Variants in GRIP1 observed in about 807,000 individuals in gnomAD.
GRIP1 encodes glutamate receptor-interacting protein 1.
Under a neutral mutation model 129.9 loss-of-function variants are expected in GRIP1, and 45 were observed. The observed-to-expected ratio is 0.35, with a 90% CI of 0.27 to 0.44. The LOEUF is 0.44. Ranked by LOEUF, GRIP1 falls within the 20% of genes least tolerant of loss-of-function variation. The probability of loss-of-function intolerance (pLI) is 1.00; values close to 1 mark genes in which losing one functional copy is unlikely to be tolerated. For synonymous variants in GRIP1, 530 were observed against 520.8 expected (o/e 1.02, Z -0.24); for missense variants, 1,196 against 1,396.8 (o/e 0.86, Z 2.29).
intron 7 of GRIP1, among the ~76,000 whole-genome samples, chr12:66,488,924 G>A (rs2060030446): frequency 6.6e-6 from 1 of 152,100 alleles, no homozygotes; most frequent in Non-Finnish European, 1.5e-5. Flanking sequence ...GAACCAGGAA[G>A]AAATTAATTC....
At chr12:66,773,829 G>A (rs2037895325) in intron 1 of GRIP1, among the ~76,000 whole-genome samples, 1 of 152,132 alleles carries the variant, frequency 6.6e-6, no homozygotes, top group African/African-American at 2.4e-5. Context: ...TTTTTGGCAT[G>A]TCTTTTCTTT....
intron 4 of GRIP1, among the ~76,000 whole-genome samples, chr12:66,533,871 A>T (rs1381949401): frequency 1.4e-5 from 2 of 137,942 alleles, no homozygotes; most frequent in East Asian, 2.0e-4. Flanking sequence ...ACTCACACAC[A>T]CACACACATA....
intron 1 of GRIP1, among the ~76,000 whole-genome samples, chr12:66,684,963 G>A: frequency 6.6e-6 from 1 of 152,160 alleles, no homozygotes; most frequent in East Asian, 1.9e-4. Context: ...GATTTGAACT[G>A]TATCAAGCTC....
At chr12:66,811,475 G>A (rs1566034908) in intron 1 of GRIP1, among the ~76,000 whole-genome samples, 1 of 150,932 alleles carries the variant, frequency 6.6e-6, no homozygotes, top group Non-Finnish European at 1.5e-5. Flanking sequence ...GCTAATTATA[G>A]TGTCTTTTAA....
chr12:66,409,595 G>A (rs1357067963), intron 15 of GRIP1, among the ~76,000 whole-genome samples: 2 of 152,162 alleles, frequency 1.3e-5, no homozygotes, highest in African/African-American at 4.8e-5. Flanking sequence ...AGACTGCAAA[G>A]ACTATAATAA....
chr12:67,057,651 A>G (rs534199538), intron 1 of GRIP1, among the ~76,000 whole-genome samples: 2 of 152,292 alleles, frequency 1.3e-5, no homozygotes, highest in South Asian at 4.1e-4. Flanking sequence ...CAACAACAAC[A>G]AAACAGGGCT....
At chr12:66,968,818 C>T (rs2042033579) in intron 1 of GRIP1, among the ~76,000 whole-genome samples, 1 of 152,050 alleles carries the variant, frequency 6.6e-6, no homozygotes, top group Admixed American at 6.6e-5. Context: ...CTCTGATGTT[C>T]TTTCCTTAAT....
At chr12:66,542,815 A>G (rs2061827865) in intron 2 of GRIP1, among the ~76,000 whole-genome samples, 1 of 152,140 alleles carries the variant, frequency 6.6e-6, no homozygotes, top group South Asian at 2.1e-4. Flanking sequence ...CTGCAAATAT[A>G]TTTTCTTGGT....
At chr12:66,478,615 C>G (rs908057254) in intron 7 of GRIP1, among the ~76,000 whole-genome samples, 2 of 152,188 alleles carry the variant, frequency 1.3e-5, no homozygotes, top group Non-Finnish European at 2.9e-5. Context: ...ATAGCAAAGA[C>G]TTGGAACCAA....
At chr12:66,526,504 C>T (rs1452847613) in intron 5 of GRIP1, among the ~76,000 whole-genome samples, 10 of 152,148 alleles carry the variant, frequency 6.6e-5, no homozygotes, top group African/African-American at 2.4e-4. Flanking sequence ...GGATCCCTTC[C>T]TTACACCTTA....
chr12:66,752,348 G>A lies in GRIP1; in HGVS notation c.-420+51705C>T, dbSNP rs115065892. ...GTTTTCAAAGATACTAAATTCACAT[G>A]TATATTTAAAGTGTTTTCTAGTTTG... On this transcript the variant is annotated intron_variant, in intron 1 of 4. Coordinates refer to the GRIP1 transcript ENST00000538373. Among the ~76,000 whole-genome samples, 1,272 of 152,168 alleles carry A rather than the reference G, an allele frequency of 8.4e-3. 18 individuals are homozygous for A. The highest frequency in any genetic ancestry group is 0.029 in the African/African-American group (1,216 of 41,516).
chr12:66,700,066 A>G (rs1269443784), intron 1 of GRIP1, among the ~76,000 whole-genome samples: 1 of 152,212 alleles, frequency 6.6e-6, no homozygotes, highest in East Asian at 1.9e-4. Flanking sequence ...AGAGTATTGT[A>G]GTAGCAGCAG....
chr12:66,410,398 G>T (rs1237939966), intron 15 of GRIP1, among the ~76,000 whole-genome samples: 1 of 151,166 alleles, frequency 6.6e-6, no homozygotes, highest in African/African-American at 2.4e-5. Context: ...TTGGGAGGCC[G>T]AGGTGGGCAG....
chr12:67,011,929 T>C (rs1194189207), intron 1 of GRIP1, among the ~76,000 whole-genome samples: 1 of 152,148 alleles, frequency 6.6e-6, no homozygotes, highest in African/African-American at 2.4e-5. Flanking sequence ...CTAATGAAAC[T>C]TTATTTACAA....
At chr12:67,062,805 G>A (rs1294156713) in intron 1 of GRIP1, among the ~76,000 whole-genome samples, 1 of 152,202 alleles carries the variant, frequency 6.6e-6, no homozygotes, top group East Asian at 1.9e-4. Flanking sequence ...TTTCATGAGA[G>A]CTGGGCTAGA....
chr12:66,450,821 A>G (rs1015776532), intron 11 of GRIP1, among the ~76,000 whole-genome samples: 6 of 152,216 alleles, frequency 3.9e-5, no homozygotes, highest in African/African-American at 1.2e-4. Flanking sequence ...ATTTAAAGAT[A>G]AGGAATCAAA....
intron 1 of GRIP1, among the ~76,000 whole-genome samples, chr12:66,613,675 T>C (rs1056981879): frequency 1.3e-5 from 2 of 152,152 alleles, no homozygotes; most frequent in Non-Finnish European, 2.9e-5. Context: ...CAAAAGATGA[T>C]TACTCTTGGG....
At chr12:66,518,976 C>T (rs960117209) in intron 5 of GRIP1, among the ~76,000 whole-genome samples, 4 of 152,170 alleles carry the variant, frequency 2.6e-5, no homozygotes, top group Non-Finnish European at 4.4e-5. Flanking sequence ...TTTCTTTGCA[C>T]ATCACCATCC....
chr12:66,573,739 C>T (rs187652991), intron 2 of GRIP1, among the ~76,000 whole-genome samples: 15 of 152,306 alleles, frequency 9.8e-5, no homozygotes, highest in Non-Finnish European at 2.2e-4. Flanking sequence ...CATCCAAACA[C>T]AGGTGCTAGT....
Sources: gnomAD v4.1 joint callset for allele counts (sites outside exome capture counted in the v4.1 genomes callset) on GRCh38, gnomAD v4.1.1 for gene constraint, MANE v1.5 for transcripts, NCBI Gene and HGNC (gene_info 2026-07-23, HGNC 2026-07-21) for gene names.